The following ADAMTS17 variants were observed in gnomAD, a reference collection of about 807,000 sequenced individuals.
The protein encoded by ADAMTS17 is ADAM metallopeptidase with thrombospondin type 1 motif 17.
A neutral mutation model predicts 141.5 loss-of-function variants in ADAMTS17; 113 were observed. The ratio of observed to expected loss-of-function variants is 0.80; its 90% CI spans 0.69 to 0.93. The LOEUF (loss-of-function observed/expected upper bound fraction) is 0.93, where lower values mean the gene tolerates loss of function less well. Among genes scored for constraint, ADAMTS17 ranks in the 40% least tolerant of loss-of-function variants. The pLI is 0.00. For missense variants in ADAMTS17, 1,659 were observed against 1,517.9 expected, an observed-to-expected ratio of 1.09 and a Z score of -1.54; for synonymous variants, 768 against 630.6, an observed-to-expected ratio of 1.22 and a Z score of -3.27.
chr15:100,198,075 C>T (rs1387513106), intron 8 of ADAMTS17, among the ~76,000 whole-genome samples: 9 of 152,014 alleles, frequency 5.9e-5, no homozygotes, highest in African/African-American at 2.4e-5. Flanking sequence ...CTAATGTAGG[C>T]GACAGGTTGA....
At chr15:100,056,635 G>A (rs943990440) in intron 15 of ADAMTS17, among the ~76,000 whole-genome samples, 26 of 152,144 alleles carry the variant, frequency 1.7e-4, no homozygotes, top group Non-Finnish European at 3.1e-4. Flanking sequence ...ATGCTCGCTC[G>A]CAGGGCACTC....
chr15:100,130,345 C>T (rs1219661430), intron 12 of ADAMTS17, among the ~76,000 whole-genome samples: 3 of 144,500 alleles, frequency 2.1e-5, no homozygotes, highest in Non-Finnish European at 4.5e-5. Context: ...GCCTGGGGGA[C>T]AGAGTGAGGC....
chr15:100,324,006 G>T (rs769292691), intron 3 of ADAMTS17, among the ~76,000 whole-genome samples: 1 of 143,412 alleles, frequency 7.0e-6, no homozygotes, highest in Non-Finnish European at 1.5e-5. Context: ...AGTCACATCC[G>T]TAAACGTTCC....
rs111843791 is a variant in ADAMTS17, at chr15:100,021,333, A to G, written c.2592-23744T>C. The stretch of plus-strand genomic sequence containing the variant: ...GGTTAGGATCTGGGCGTCATCTTGG[A>G]CTGCTCTCTGTGCCACGTTCAAGCA... On this transcript the variant is annotated intron_variant, in intron 18 of 21. Coordinates refer to ENST00000268070, the MANE Select transcript of ADAMTS17 (RefSeq NM_139057.4). 1.3e-3 allele frequency among the ~76,000 whole-genome samples: 202 copies of G among 152,156 alleles called. 1 individual carries two copies. Among genetic ancestry groups the G allele is most frequent in the African/African-American group, 4.7e-3 (196 of 41,492 alleles).
intron 3 of ADAMTS17, among the ~76,000 whole-genome samples, chr15:100,323,364 T>C (rs972284235): frequency 1.3e-5 from 2 of 152,194 alleles, no homozygotes; most frequent in Non-Finnish European, 2.9e-5. Context: ...CCAGTAAACT[T>C]GTGTCTAAAT....
intron 16 of ADAMTS17, 147 bp downstream of exon 16, chr15:100,053,750 A>G (rs2032325267): frequency 5.3e-6 from 6 of 1,137,126 alleles, no homozygotes; most frequent in Non-Finnish European, 8.0e-6. Flanking sequence ...AGGGGAGAGG[A>G]CTGAGCAGCA....
intron 7 of ADAMTS17, among the ~76,000 whole-genome samples, chr15:100,218,839 AAAGAT>A (rs1246230521): frequency 6.6e-6 from 1 of 152,216 alleles, no homozygotes; most frequent in Non-Finnish European, 1.5e-5. Context: ...CGCATCACTG[AAAGAT>A]AAGCAAGTAA....
At chr15:100,338,598 T>C (rs2046274636) in intron 2 of ADAMTS17, among the ~76,000 whole-genome samples, 1 of 149,500 alleles carries the variant, frequency 6.7e-6, no homozygotes, top group Non-Finnish European at 1.5e-5. Context: ...CTAAACTATT[T>C]ATTTTCTGGT....
chr15:100,205,287 T>C (rs1394703896), intron 7 of ADAMTS17, among the ~76,000 whole-genome samples: 1 of 152,086 alleles, frequency 6.6e-6, no homozygotes, highest in African/African-American at 2.4e-5. Flanking sequence ...TAAGGGTAAG[T>C]GGAGGAATAA....
intron 19 of ADAMTS17, among the ~76,000 whole-genome samples, chr15:99,996,866 G>T (rs2060812484): frequency 6.6e-6 from 1 of 152,102 alleles, no homozygotes; most frequent in South Asian, 2.1e-4. Context: ...AGATAAAATT[G>T]TACTCCCAGG....
chr15:100,159,700 G>T (rs1171062830), intron 8 of ADAMTS17, among the ~76,000 whole-genome samples: 1 of 152,222 alleles, frequency 6.6e-6, no homozygotes, highest in Non-Finnish European at 1.5e-5. Flanking sequence ...GGCAGGCATG[G>T]TCTTAATCAG....
chr15:100,153,191 T>C (rs780770469), intron 9 of ADAMTS17, among the ~76,000 whole-genome samples: 36 of 152,256 alleles, frequency 2.4e-4, no homozygotes, highest in Non-Finnish European at 4.4e-4. Context: ...AAAGTGCTTA[T>C]TTCCAACTCT....
Position 100,140,488 on chromosome 15 carries a change from C to CATACATATACATATACATATATAT in ADAMTS17, c.1474-7174_1474-7173insATATATATGTATATGTATATGTAT, listed in dbSNP as rs1386955753. On this transcript the variant is annotated intron_variant, in intron 10 of 21. Coordinates refer to ENST00000268070, the MANE Select transcript of ADAMTS17 (RefSeq NM_139057.4). ...ACACACAGACACACACACATACATA[C>CATACATATACATATACATATATAT]ATATATATATATATATATATCCAGT... 1.6e-3 allele frequency among the ~76,000 whole-genome samples: 195 copies of CATACATATACATATACATATATAT among 125,000 alleles called. 3 individuals carry two copies. Among genetic ancestry groups the CATACATATACATATACATATATAT allele is most frequent in the African/African-American group, 5.3e-3 (189 of 35,358 alleles). The allele number at this position is 125,000 out of a possible 152,430, so 82.0% of individuals were successfully genotyped here. A position where few individuals can be genotyped will look rare whatever the true frequency, so the allele number is the denominator to read the frequency against.
chr15:100,339,616 GCCCCAGGTCCACAT>G (rs2046305568), intron 2 of ADAMTS17, among the ~76,000 whole-genome samples: 1 of 32,970 alleles, frequency 3.0e-5, no homozygotes, highest in Non-Finnish European at 6.0e-5. Flanking sequence ...CACATTCCCC[GCCCCAGGTCCACAT>G]TCCCCGCCCC....
At chr15:100,268,068 G>A (rs962168835) in intron 4 of ADAMTS17, among the ~76,000 whole-genome samples, 4 of 152,154 alleles carry the variant, frequency 2.6e-5, no homozygotes, top group Admixed American at 6.5e-5. Flanking sequence ...TTCTGATCCC[G>A]CATTAATTCA....
chr15:100,241,330 G>C (rs1205166515), intron 7 of ADAMTS17, among the ~76,000 whole-genome samples: 1 of 152,214 alleles, frequency 6.6e-6, no homozygotes, highest in Non-Finnish European at 1.5e-5. Context: ...TGTTCTGTAA[G>C]CCTGAACGTA....
chr15:100,194,127 G>C (rs1000538643), intron 8 of ADAMTS17, among the ~76,000 whole-genome samples: 1 of 152,216 alleles, frequency 6.6e-6, no homozygotes, highest in African/African-American at 2.4e-5. Context: ...GTGGCGGATA[G>C]TTCACAAAGC....
At chr15:100,109,260 C>CCAGCACCTCTAAACACGCGGCA in intron 13 of ADAMTS17, 144 bp from the exon 14 acceptor site, 1 of 1,165,204 alleles carries the variant, frequency 8.6e-7, no homozygotes, top group Non-Finnish European at 1.2e-6. Context: ...GGTACGCGCT[C>CCAGCACCTCTAAACACGCGGCA]CAGGAAGCGG....
At chr15:100,338,664 C>T (rs867881359) in intron 2 of ADAMTS17, among the ~76,000 whole-genome samples, 1 of 152,108 alleles carries the variant, frequency 6.6e-6, no homozygotes, top group African/African-American at 2.4e-5. Flanking sequence ...AAGGACACTT[C>T]GAAATGCCCC....
Sources: gnomAD v4.1 joint callset for allele counts (sites outside exome capture counted in the v4.1 genomes callset) on GRCh38, gnomAD v4.1.1 for gene constraint, MANE v1.5 for transcripts, NCBI Gene and HGNC (gene_info 2026-07-23, HGNC 2026-07-21) for gene names.